CSMD1: variants seen among roughly 807,000 people sequenced by gnomAD.
CSMD1 encodes CUB and Sushi multiple domains 1.
CSMD1 carries 213 observed loss-of-function variants against 417.5 expected under a neutral mutation model. The observed-to-expected ratio is 0.51, with a 90% confidence interval of 0.46 to 0.57. The LOEUF (loss-of-function observed/expected upper bound fraction) is 0.57, where lower values mean the gene tolerates loss of function less well. Ranked by LOEUF, CSMD1 falls within the 20% of genes least tolerant of loss-of-function variation. The pLI, the probability that CSMD1 is intolerant of heterozygous loss-of-function variation, is 0.00. For synonymous variants in CSMD1, 2,862 were observed against 1,736.8 expected, an observed-to-expected ratio of 1.65 and a Z score of -16.11; for missense variants, 6,923 against 4,529.7, an observed-to-expected ratio of 1.53 and a Z score of -15.17.
intron 1 of CSMD1, among the ~76,000 whole-genome samples, chr8:4,770,776 T>C (rs1026581062): frequency 2.6e-5 from 4 of 152,098 alleles, no homozygotes; most frequent in Non-Finnish European, 5.9e-5. Flanking sequence ...AGAATGAAAT[T>C]GGACCCTTTA....
At chr8:4,727,255 T>C (rs1809520307) in intron 1 of CSMD1, among the ~76,000 whole-genome samples, 1 of 152,186 alleles carries the variant, frequency 6.6e-6, no homozygotes, top group African/African-American at 2.4e-5. Flanking sequence ...TGTTTTCACA[T>C]TAAACCAGTT....
chr8:3,929,627 G>A (rs1044585651), intron 5 of CSMD1, among the ~76,000 whole-genome samples: 1 of 149,852 alleles, frequency 6.7e-6, no homozygotes, highest in African/African-American at 2.5e-5. Flanking sequence ...AAAAGGAAGA[G>A]TATATTGTTT....
intron 12 of CSMD1, among the ~76,000 whole-genome samples, chr8:3,455,727 G>A (rs937289709): frequency 1.3e-5 from 2 of 152,204 alleles, no homozygotes; most frequent in Middle Eastern, 3.2e-3. Flanking sequence ...CCCCTACTGG[G>A]GATGCGTCCC....
At chr8:3,541,734 A>C (rs1798446392) in intron 10 of CSMD1, among the ~76,000 whole-genome samples, 1 of 145,088 alleles carries the variant, frequency 6.9e-6, no homozygotes, top group African/African-American at 2.7e-5. Flanking sequence ...AAAAATTATA[A>C]AATATTATAT....
At chr8:3,219,795 GAC>G (rs1045202150) in intron 28 of CSMD1, among the ~76,000 whole-genome samples, 13 of 152,148 alleles carry the variant, frequency 8.5e-5, no homozygotes, top group Admixed American at 6.5e-4. Flanking sequence ...GCTCAAAAGA[GAC>G]ACATTTCCAC....
intron 7 of CSMD1, among the ~76,000 whole-genome samples, chr8:3,634,586 C>T (rs1017296166): frequency 9.9e-5 from 15 of 152,276 alleles, no homozygotes; most frequent in African/African-American, 3.1e-4. Flanking sequence ...CATAGCCATG[C>T]ACATAATGAC....
chr8:3,904,711 A>T (rs1241458556), intron 5 of CSMD1, among the ~76,000 whole-genome samples: 2 of 145,374 alleles, frequency 1.4e-5, no homozygotes, highest in African/African-American at 5.2e-5. Flanking sequence ...ATCTCAGCTC[A>T]CAGCAACCTC....
chr8:3,367,193 A>G lies in CSMD1; in HGVS notation c.2954T>C (p.Leu985Pro). Residue 985 changes from leucine to proline, a missense_variant, in exon 20 of 70, where the codon CTG (leucine) becomes CCG (proline). Leu to Pro is a moderately conservative substitution (Grantham distance 98). Transcript: ENST00000635120. ...FHLESSHDYL[L>P]ITEDGSFSEP... The stretch of plus-strand genomic sequence containing the variant: ...GGAAAAACTTCCATCCTCTGTGATC[A>G]GTAAATAGTCGTGGGAACTCTCAAG... 6.2e-7 allele frequency: 1 copy of G among 1,613,684 alleles called. No individual in the cohort carries two copies. The highest frequency in any genetic ancestry group is 8.5e-7 in the Non-Finnish European group (1 of 1,179,786).
intron 5 of CSMD1, among the ~76,000 whole-genome samples, chr8:3,768,072 T>A (rs1798382625): frequency 1.3e-5 from 2 of 152,142 alleles, no homozygotes. Flanking sequence ...ACAGCTACGG[T>A]CCATATGATT....
rs1797542875 is a variant in CSMD1 at position 4,035,026 on chromosome 8, T to C, written c.416-2927A>G. On this transcript the variant is annotated intron_variant, in intron 3 of 69. Transcript: ENST00000635120. Reference sequence around the variant, plus strand: ...AAGGGCCTGAAATTATTTTTTTCAATTAACTTTGGTATGAATAATGCAAAT... The same window carrying C: ...AAGGGCCTGAAATTATTTTTTTCAACTAACTTTGGTATGAATAATGCAAAT... Among the ~76,000 whole-genome samples the C allele has an allele frequency of 2.0e-5, 3 of 152,188 alleles. No homozygotes were observed. The South Asian group carries it at 6.2e-4, about 32-fold the overall frequency.
At chr8:4,055,697 A>T (rs1310026282) in intron 3 of CSMD1, among the ~76,000 whole-genome samples, 3 of 152,156 alleles carry the variant, frequency 2.0e-5, no homozygotes, top group Non-Finnish European at 4.4e-5. Context: ...TACTTTGAAA[A>T]ATCACCATGT....
intron 7 of CSMD1, among the ~76,000 whole-genome samples, chr8:3,618,632 A>C (rs572154646): frequency 6.6e-6 from 1 of 152,336 alleles, no homozygotes; most frequent in East Asian, 1.9e-4. Flanking sequence ...AGAAAGCTCC[A>C]GACCTGTATT....
At chr8:3,322,966 T>A (rs952203666) in intron 23 of CSMD1, among the ~76,000 whole-genome samples, 1 of 152,238 alleles carries the variant, frequency 6.6e-6, no homozygotes, top group Non-Finnish European at 1.5e-5. Flanking sequence ...CCTATGGAAC[T>A]TAATGACACT....
chr8:3,011,917 G>C (rs560950104), intron 52 of CSMD1, among the ~76,000 whole-genome samples: 2 of 152,340 alleles, frequency 1.3e-5, no homozygotes, highest in South Asian at 4.1e-4. Flanking sequence ...GGATCATGTA[G>C]ATCACAAACT....
At chr8:4,088,540 A>C (rs577110661) in intron 3 of CSMD1, among the ~76,000 whole-genome samples, 6 of 152,280 alleles carry the variant, frequency 3.9e-5, no homozygotes, top group African/African-American at 1.4e-4. Flanking sequence ...TGCAAAACTA[A>C]ATCTCTCAAA....
intron 3 of CSMD1, among the ~76,000 whole-genome samples, chr8:4,303,064 T>C (rs1798065598): frequency 6.6e-6 from 1 of 152,128 alleles, no homozygotes; most frequent in Non-Finnish European, 1.5e-5. Context: ...GAAGTAGGTA[T>C]AAAAATGATT....
At chr8:3,307,895 C>G (rs901377204) in intron 24 of CSMD1, 74 bp from the exon 25 acceptor site, 2 of 1,530,602 alleles carry the variant, frequency 1.3e-6, no homozygotes, top group African/African-American at 1.4e-5. Flanking sequence ...CTTTTCAAAA[C>G]CAAAGCCATT....
intron 25 of CSMD1, among the ~76,000 whole-genome samples, chr8:3,307,355 G>A (rs1019403937): frequency 3.3e-5 from 5 of 152,072 alleles, no homozygotes; most frequent in African/African-American, 7.2e-5. Context: ...ATCCTGGACT[G>A]CTCATCCCCA....
chr8:4,671,196 A>G (rs1202146665), intron 1 of CSMD1, among the ~76,000 whole-genome samples: 2 of 152,208 alleles, frequency 1.3e-5, no homozygotes, highest in Non-Finnish European at 2.9e-5. Flanking sequence ...TCCTCTTAGT[A>G]GTTTCCTTTC....
Sources: gnomAD v4.1 joint callset for allele counts (sites outside exome capture counted in the v4.1 genomes callset) on GRCh38, gnomAD v4.1.1 for gene constraint, MANE v1.5 for transcripts, NCBI Gene and HGNC (gene_info 2026-07-23, HGNC 2026-07-21) for gene names.